RAE1: variants seen among roughly 807,000 people sequenced by gnomAD.
The protein encoded by RAE1 is mRNA export factor RAE1.
RAE1 carries 13 observed loss-of-function variants against 52.7 expected under a neutral mutation model. That is an observed-to-expected ratio of 0.25 (90% CI 0.16 to 0.39). RAE1 has a LOEUF of 0.39. Among genes scored for constraint, RAE1 ranks in the 10% least tolerant of loss-of-function variants. RAE1 has a pLI of 1.00. For missense variants in RAE1, 262 were observed against 459.8 expected (o/e 0.57, Z 3.93); for synonymous variants, 164 against 153.1 (o/e 1.07, Z -0.52).
chr20:57,361,471 C>G (rs751449686), intron 4 of RAE1, among the ~76,000 whole-genome samples: 2 of 152,026 alleles, frequency 1.3e-5, no homozygotes, highest in Non-Finnish European at 2.9e-5. Context: ...GGTATGTTTA[C>G]CTAGGTTGAT....
intron 8 of RAE1, 80 bp from the exon 9 acceptor site, chr20:57,373,395 G>A (rs1254902628): frequency 4.3e-6 from 6 of 1,393,362 alleles, no homozygotes; most frequent in Non-Finnish European, 5.0e-6. Context: ...TAAACATGGG[G>A]TAAAAATGAC....
At position 57,354,886 on chromosome 20, in the gene RAE1, G is replaced by C. The variant is rs947512498; in HGVS notation, c.195+70G>C. 1.6e-5 allele frequency: 19 copies of C among 1,187,022 alleles called. No individual in the cohort carries two copies. The East Asian group carries it at 4.9e-4, about 30-fold the overall frequency. The allele number at this position is 1,187,022 out of a possible 1,614,324, so 73.5% of individuals were successfully genotyped here. On this transcript the variant is annotated intron_variant, in intron 3 of 11. Transcript: ENST00000395841. ...TATGGCCAAGGTTAGCTTTAGCTCC[G>C]TTGTTTCCCAAGTAAATGAATCAGT...
intron 3 of RAE1, among the ~76,000 whole-genome samples, chr20:57,355,474 T>C (rs1568778069): frequency 6.6e-6 from 1 of 152,186 alleles, no homozygotes; most frequent in Non-Finnish European, 1.5e-5. Flanking sequence ...CTGGTAGGTA[T>C]GTAAGTTGGC....
At position 57,365,370 on chromosome 20, in the gene RAE1, G is replaced by A. The variant is rs6099582; in HGVS notation, c.303G>A (p.Val101=). 0.026 allele frequency: 41,902 copies of A among 1,608,284 alleles called. 779 individuals are homozygous for A. Among genetic ancestry groups the A allele is most frequent in the African/African-American group, 0.089 (6,642 of 74,808 alleles). ...TTTTATTTTAGGATGGGAGCAAAGT[G>A]TTTACGGCATCGTGTGATAAAACTG... ...DVCWSDDGSK[V]FTASCDKTAK... Residue 101 remains valine, a synonymous_variant, in exon 5 of 12, where the codon GTG becomes GTA. Transcript: ENST00000395841.
intron 1 of RAE1, among the ~76,000 whole-genome samples, chr20:57,353,011 C>G (rs1334510923): frequency 1.3e-5 from 2 of 152,204 alleles, no homozygotes; most frequent in East Asian, 3.8e-4. Context: ...TTTCATGAAG[C>G]TGAGGAAACT....
intron 4 of RAE1, chr20:57,358,104 A>T (rs965307207): frequency 3.9e-5 from 6 of 152,180 alleles, no homozygotes; most frequent in African/African-American, 1.4e-4. Flanking sequence ...TGGTATAGGG[A>T]GGGGGGTTCA....
intron 1 of RAE1, chr20:57,351,875 T>C: frequency 1.0e-6 from 1 of 985,464 alleles, no homozygotes. Flanking sequence ...CAAGTATTTA[T>C]TGTATACGTA....
chr20:57,353,771 C>T (rs8122845), intron 1 of RAE1, among the ~76,000 whole-genome samples: 6,061 of 152,192 alleles, frequency 0.04, 178 homozygotes, highest in African/African-American at 0.089. Context: ...ACAAATGAAC[C>T]GTACTAATAT....
At chr20:57,372,562 TA>T (rs2067051955) in intron 8 of RAE1, 2 of 152,320 alleles carry the variant, frequency 1.3e-5, no homozygotes, top group Non-Finnish European at 2.9e-5. Flanking sequence ...CAGTTTGCTT[TA>T]CTTTTTTTCT....
At chr20:57,355,473 A>G (rs1182229161) in intron 3 of RAE1, among the ~76,000 whole-genome samples, 1 of 152,220 alleles carries the variant, frequency 6.6e-6, no homozygotes, top group East Asian at 1.9e-4. Context: ...GCTGGTAGGT[A>G]TGTAAGTTGG....
In RAE1 at chr20:57,374,628, C is replaced by A; in HGVS notation, c.847C>A (p.Pro283Thr). The change falls in exon 11 of 12, where the codon CCT (proline) becomes ACT (threonine). Residue 283 changes from proline (P) to threonine (T), a missense_variant. Coordinates refer to ENST00000395841, the MANE Select transcript of RAE1 (RefSeq NM_003610.4). ...IYAVNGIAFHPVHGTLATVGS... is the reference protein window; with the variant it reads ...IYAVNGIAFHTVHGTLATVGS... ...GCAGGTAAATGGAATCGCGTTCCATCCTGTTCATGGCACCCTTGCAACTGT... is the reference window on the plus strand; with the variant it reads ...GCAGGTAAATGGAATCGCGTTCCATACTGTTCATGGCACCCTTGCAACTGT... 2 of 1,613,784 alleles carry A rather than the reference C, an allele frequency of 1.2e-6. No individual in the cohort carries two copies. Among genetic ancestry groups the A allele is most frequent in the Middle Eastern group, 3.3e-4 (2 of 6,060 alleles).
chr20:57,361,370 C>T lies in RAE1; in HGVS notation c.289-3986C>T, dbSNP rs375705774. ...AGATTTTTTAGAAAATTACATCAAT[C>T]GAGGGGTAGCTGTTGGGGTGTTCGT... On this transcript the variant is annotated intron_variant, in intron 4 of 11. Transcript: ENST00000395841. Among the ~76,000 whole-genome samples the T allele has an allele frequency of 2.2e-4, 33 of 152,086 alleles. No individual in the cohort carries two copies. In the South Asian group the frequency reaches 6.0e-3, roughly 28 times the overall value.
intron 8 of RAE1, chr20:57,373,093 GGCAGAAGC>G (rs900436399): frequency 3.1e-4 from 75 of 241,094 alleles, no homozygotes; most frequent in African/African-American, 1.6e-3. Flanking sequence ...CAGCTGGGGA[GGCAGAAGC>G]GCAGAAGCTT....
chr20:57,351,689 C>G (rs1405420525), intron 1 of RAE1: 1 of 985,514 alleles, frequency 1.0e-6, no homozygotes, highest in Non-Finnish European at 1.2e-6. Flanking sequence ...TCGCCTCTGT[C>G]CCTCCCCCTT....
chr20:57,365,476 A>G (rs1017044186), intron 5 of RAE1, 34 bp downstream of exon 5: 1 of 1,470,354 alleles, frequency 6.8e-7, no homozygotes, highest in Non-Finnish European at 9.4e-7. Context: ...GCTAGGCACA[A>G]CTGGTACCCA....
At chr20:57,372,635 G>A (rs1466016064) in intron 8 of RAE1, 1 of 152,230 alleles carries the variant, frequency 6.6e-6, no homozygotes, top group Non-Finnish European at 1.5e-5. Context: ...AACAGTACAG[G>A]AATGAAAGAG....
chr20:57,372,772 C>CG (rs2067055159), intron 8 of RAE1: 1 of 152,268 alleles, frequency 6.6e-6, no homozygotes, highest in Non-Finnish European at 1.5e-5. Context: ...TGAACTCACA[C>CG]GGAAGCTCAG....
At chr20:57,357,846 T>C (rs1362956614) in intron 4 of RAE1, 1 of 152,208 alleles carries the variant, frequency 6.6e-6, no homozygotes, top group African/African-American at 2.4e-5. Flanking sequence ...CTAGGGGCCA[T>C]GATGATAGGA....
chr20:57,365,993 G>T (rs1398013752), intron 5 of RAE1, among the ~76,000 whole-genome samples: 1 of 152,200 alleles, frequency 6.6e-6, no homozygotes, highest in Non-Finnish European at 1.5e-5. Flanking sequence ...TGCTAAGGGG[G>T]CTTCAGGAAG....
Sources: allele counts gnomAD v4.1 joint callset (sites outside exome capture counted in the v4.1 genomes callset), GRCh38; gene constraint gnomAD v4.1.1; transcripts MANE v1.5; gene names NCBI Gene and HGNC (gene_info 2026-07-23, HGNC 2026-07-21).